The following DRD3 variants were observed in gnomAD, a reference collection of about 807,000 sequenced individuals.
DRD3 encodes dopamine receptor D3, also known as D(3) dopamine receptor.
DRD3 carries 19 observed loss-of-function variants against 36.3 expected under a neutral mutation model. The observed-to-expected ratio is 0.52, with a 90% CI of 0.36 to 0.77. DRD3 has a LOEUF of 0.77. Among genes scored for constraint, DRD3 ranks in the 30% least tolerant of loss-of-function variants. DRD3 has a pLI of 0.00. For missense variants in DRD3, 465 were observed against 505.3 expected (o/e 0.92, Z 0.77); for synonymous variants, 195 against 203.7 (o/e 0.96, Z 0.36).
chr3:114,156,789 TTCTTTCTTTC>T lies in DRD3; in HGVS notation c.383+2956_383+2965del, dbSNP rs747774080. ...TTTCTTTCTTTCTTTCTTTCTTTCT[TTCTTTCTTTC>T]TCTTTTCTTTTTCTTTCTTTTTTCT... On this transcript the variant is annotated intron_variant, in intron 3 of 6. Coordinates refer to ENST00000383673, the MANE Select transcript of DRD3 (RefSeq NM_000796.6). Among the ~76,000 whole-genome samples the T allele has an allele frequency of 2.5e-4, 34 of 135,548 alleles. 2 individuals are homozygous for T. The highest frequency in any genetic ancestry group is 3.6e-3 in the Middle Eastern group (1 of 274). 88.9% of individuals were successfully genotyped at this position (135,548 alleles called of 152,430 possible). A position where few individuals can be genotyped will look rare whatever the true frequency, so the allele number is the denominator to read the frequency against.
intron 1 of DRD3, among the ~76,000 whole-genome samples, chr3:114,174,330 G>A (rs749042716): frequency 2.6e-5 from 4 of 152,072 alleles, no homozygotes; most frequent in African/African-American, 7.2e-5. Context: ...TCTTTTCTGG[G>A]GTCTGCAACT....
In DRD3 at chr3:114,127,730, A is replaced by G. The variant is rs928807617; in HGVS notation, c.*986T>C. Among the ~76,000 whole-genome samples the G allele has an allele frequency of 6.6e-6, 1 of 152,230 alleles. No individual in the cohort carries two copies. Among genetic ancestry groups the G allele is most frequent in the Non-Finnish European group, 1.5e-5 (1 of 68,054 alleles). The stretch of plus-strand genomic sequence containing the variant: ...TAATGCATTGAGCTATGATGTTGCA[A>G]CAGCTATGACATCATTAAGTGATAG... On this transcript the variant is annotated 3_prime_UTR_variant, in exon 7 of 7. Transcript: ENST00000383673.
chr3:114,167,023 T>C (rs979834792), intron 2 of DRD3, among the ~76,000 whole-genome samples: 1 of 152,244 alleles, frequency 6.6e-6, no homozygotes, highest in Non-Finnish European at 1.5e-5. Context: ...AACCCACTTC[T>C]TTATTTTTAA....
At chr3:114,149,383 C>G (rs1231437599) in intron 3 of DRD3, among the ~76,000 whole-genome samples, 10 of 152,164 alleles carry the variant, frequency 6.6e-5, no homozygotes, top group Non-Finnish European at 1.5e-4. Flanking sequence ...CCACCTATCC[C>G]TTTCCTGCTA....
chr3:114,128,691 A>C lies in DRD3; in HGVS notation c.*25T>G, dbSNP rs1277999567. ...CAGCCTGGCAGCTAGAAATGGGTACAAAGAGTGTTCCCTCTTCTGCTCCCT... is the reference window on the plus strand; with the variant it reads ...CAGCCTGGCAGCTAGAAATGGGTACCAAGAGTGTTCCCTCTTCTGCTCCCT... On this transcript the variant is annotated 3_prime_UTR_variant, in exon 7 of 7. Transcript: ENST00000383673. 1 of 1,562,422 alleles carries C rather than the reference A, an allele frequency of 6.4e-7. No individual in the cohort carries two copies. The highest frequency in any genetic ancestry group is 1.4e-5 in the African/African-American group (1 of 73,834).
rs1404481504 is a variant in DRD3 at position 114,171,870 on chromosome 3, C to T, written c.123G>A (p.Leu41=). 2 of 1,613,620 alleles carry T rather than the reference C, an allele frequency of 1.2e-6. No homozygotes were observed. Among genetic ancestry groups the T allele is most frequent in the East Asian group, 4.5e-5 (2 of 44,844 alleles). Reference sequence around the variant, plus strand: ...CCAGGCCATTGCCGAAGACGATGGCCAGGATGAGCGCGCAGTAGGAGAGGG... The same window carrying T: ...CCAGGCCATTGCCGAAGACGATGGCTAGGATGAGCGCGCAGTAGGAGAGGG... ...YYALSYCALI[L]AIVFGNGLVC... The change falls in exon 2 of 7, where the codon CTG becomes CTA. Residue 41 remains leucine (L), a synonymous_variant. Coordinates refer to ENST00000383673, the MANE Select transcript of DRD3 (RefSeq NM_000796.6).
At position 114,128,680 on chromosome 3, in the gene DRD3, G is replaced by T. The variant is rs1195050888; in HGVS notation, c.*36C>A. On this transcript the variant is annotated 3_prime_UTR_variant, in exon 7 of 7. Coordinates refer to ENST00000383673, the MANE Select transcript of DRD3 (RefSeq NM_000796.6). The stretch of plus-strand genomic sequence containing the variant: ...GAGTGGGCCAACAGCCTGGCAGCTA[G>T]AAATGGGTACAAAGAGTGTTCCCTC... The T allele has an allele frequency of 1.3e-6, 2 of 1,524,834 alleles. No individual in the cohort carries two copies. The highest frequency in any genetic ancestry group is 1.8e-6 in the Non-Finnish European group (2 of 1,132,016). 94.5% of individuals were successfully genotyped at this position (1,524,834 alleles called of 1,614,324 possible). A position where few individuals can be genotyped will look rare whatever the true frequency, so the allele number is the denominator to read the frequency against.
intron 5 of DRD3, among the ~76,000 whole-genome samples, chr3:114,139,123 G>A (rs1316570649): frequency 1.3e-5 from 2 of 152,180 alleles, no homozygotes; most frequent in Non-Finnish European, 2.9e-5. Flanking sequence ...TGGCATGAGT[G>A]GTTTAGACAA....
intron 4 of DRD3, among the ~76,000 whole-genome samples, chr3:114,145,698 A>G (rs1447501426): frequency 1.3e-5 from 2 of 152,062 alleles, no homozygotes; most frequent in Non-Finnish European, 2.9e-5. Flanking sequence ...AATTATATAG[A>G]CTCCAAATTT....
At chr3:114,187,183 T>C (rs1218073297) in intron 1 of DRD3, among the ~76,000 whole-genome samples, 1 of 152,242 alleles carries the variant, frequency 6.6e-6, no homozygotes, top group Non-Finnish European at 1.5e-5. Flanking sequence ...TCTTTTCTTT[T>C]TTTGCAAATG....
intron 1 of DRD3, among the ~76,000 whole-genome samples, chr3:114,177,415 A>G (rs1011602981): frequency 4.6e-5 from 7 of 152,138 alleles, no homozygotes; most frequent in Non-Finnish European, 8.8e-5. Context: ...TTTTCCCCTC[A>G]TTAAACCTGA....
intron 3 of DRD3, among the ~76,000 whole-genome samples, chr3:114,149,757 G>A (rs953985297): frequency 6.6e-6 from 1 of 152,214 alleles, no homozygotes; most frequent in African/African-American, 2.4e-5. Context: ...CATTTTTTAG[G>A]AGATGGCAAA....
intron 5 of DRD3, among the ~76,000 whole-genome samples, chr3:114,133,089 C>T (rs755015033): frequency 5.3e-5 from 8 of 151,668 alleles, no homozygotes; most frequent in Admixed American, 2.6e-4. Context: ...CTCCCGGGTT[C>T]AAGAGATTCT....
rs1205889655 is a variant in DRD3 at position 114,178,955 on chromosome 3, G to C, written c.-334C>G. The C allele has an allele frequency of 2.6e-5, 4 of 152,136 alleles. No homozygotes were observed. The highest frequency in any genetic ancestry group is 9.7e-5 in the African/African-American group (4 of 41,426). The allele number at this position is 152,136 out of a possible 1,614,324, so 9.4% of individuals were successfully genotyped here. ...AAACTGAGCGTTGCTTGGGTCAGCC[G>C]CTCAGAGGTTCTGTCCTTGGTGCTG... On this transcript the variant is annotated 5_prime_UTR_variant, in exon 1 of 7. Coordinates refer to ENST00000383673, the MANE Select transcript of DRD3 (RefSeq NM_000796.6).
rs2077427463 is a variant in DRD3, at chr3:114,131,232, C to A, written c.892G>T (p.Val298Phe). The A allele has an allele frequency of 1.9e-6, 3 of 1,614,098 alleles. No homozygotes were observed. The highest frequency in any genetic ancestry group is 2.7e-5 in the African/African-American group (2 of 74,936). The change falls in exon 6 of 7, where the codon GTT becomes TTT. Residue 298 changes from valine to phenylalanine, a missense_variant. Coordinates refer to ENST00000383673, the MANE Select transcript of DRD3 (RefSeq NM_000796.6). The part of the protein sequence containing the change: ...PTIAPKLSLE[V>F]RKLSNGRLST... ...AATCTGCCATTGCTGAGTTTTCGAA[C>A]TTCTAAGCTGAGCTTGGGCGCTATG...
chr3:114,176,181 A>G (rs929386007), intron 1 of DRD3: 2 of 152,216 alleles, frequency 1.3e-5, no homozygotes, highest in African/African-American at 4.8e-5. Context: ...AGTTTTAATT[A>G]TTTGTTCTCT....
chr3:114,168,106 A>G (rs1559996403), intron 2 of DRD3, among the ~76,000 whole-genome samples: 1 of 152,196 alleles, frequency 6.6e-6, no homozygotes. Flanking sequence ...ATTTAAGCCA[A>G]TTGGAGTTAA....
At chr3:114,143,568 C>A (rs1262907199) in intron 4 of DRD3, among the ~76,000 whole-genome samples, 1 of 152,176 alleles carries the variant, frequency 6.6e-6, no homozygotes, top group African/African-American at 2.4e-5. Flanking sequence ...ATGGATTTGA[C>A]CCCAGCTTGA....
intron 2 of DRD3, among the ~76,000 whole-genome samples, chr3:114,168,017 T>A (rs1235538468): frequency 2.6e-5 from 4 of 152,216 alleles, no homozygotes; most frequent in African/African-American, 7.2e-5. Flanking sequence ...GGTGCCCTGA[T>A]GGAACTGTGC....
Sources: allele counts gnomAD v4.1 joint callset (sites outside exome capture counted in the v4.1 genomes callset), GRCh38; gene constraint gnomAD v4.1.1; transcripts MANE v1.5; gene names NCBI Gene and HGNC (gene_info 2026-07-23, HGNC 2026-07-21).